PBLD: variants seen among roughly 807,000 people sequenced by gnomAD.
The protein encoded by PBLD is phenazine biosynthesis-like domain-containing protein.
PBLD carries 26 observed loss-of-function variants against 31.3 expected under a neutral mutation model. The observed-to-expected ratio is 0.83, with a 90% CI of 0.61 to 1.15. The LOEUF is 1.15. Among genes scored for constraint, PBLD ranks in the 50% most tolerant of loss-of-function variants. PBLD has a pLI of 0.00. For missense variants in PBLD, 307 were observed against 351.7 expected, an observed-to-expected ratio of 0.87 and a Z score of 1.02; for synonymous variants, 114 against 129.0, an observed-to-expected ratio of 0.88 and a Z score of 0.79.
chr10:68,324,738 C>T (rs1015028336), intron 1 of PBLD, among the ~76,000 whole-genome samples: 43 of 151,884 alleles, frequency 2.8e-4, no homozygotes, highest in African/African-American at 1.0e-3. Context: ...CCTCAGCCTC[C>T]CAAGTAGCTG....
intron 1 of PBLD, among the ~76,000 whole-genome samples, chr10:68,309,164 G>A (rs954480519): frequency 6.7e-6 from 1 of 149,868 alleles, no homozygotes; most frequent in African/African-American, 2.5e-5. Context: ...TCAGCACTTT[G>A]GGAGGCCAAG....
intron 1 of PBLD, among the ~76,000 whole-genome samples, chr10:68,309,742 G>T (rs773385843): frequency 6.8e-6 from 1 of 147,238 alleles, no homozygotes; most frequent in Non-Finnish European, 1.5e-5. Context: ...CAGAGTCAGA[G>T]GTTGTGGTGA....
intron 1 of PBLD, chr10:68,332,302 T>TG (rs1442282872): frequency 2.6e-5 from 4 of 151,038 alleles, no homozygotes; most frequent in Non-Finnish European, 5.9e-5. Context: ...GGGGCTGGGT[T>TG]GGGGGGTAGT....
intron 1 of PBLD, among the ~76,000 whole-genome samples, chr10:68,313,605 A>G (rs2044698882): frequency 6.6e-6 from 1 of 152,206 alleles, no homozygotes; most frequent in Non-Finnish European, 1.5e-5. Context: ...CTTTTCTGCT[A>G]AAATTTAGGA....
rs1554860577 is a variant in PBLD, at chr10:68,319,111, G to GAAAGAAAGAAAGAAAGAAAGAAA, written c.-59-12209_-59-12208insTTTCTTTCTTTCTTTCTTTCTTT. On this transcript the variant is annotated intron_variant, in intron 1 of 9. Coordinates refer to ENST00000358769, the MANE Select transcript of PBLD (RefSeq NM_022129.4). ...AGAAAGAAAGAAAGAAAGAAAGAAA[G>GAAAGAAAGAAAGAAAGAAAGAAA]GAAAAAGAAAGAAAGAGAGAAGGAG... Among the ~76,000 whole-genome samples, 258 of 115,604 alleles carry GAAAGAAAGAAAGAAAGAAAGAAA rather than the reference G, an allele frequency of 2.2e-3. 7 individuals are homozygous for GAAAGAAAGAAAGAAAGAAAGAAA. The highest frequency in any genetic ancestry group is 5.8e-3 in the African/African-American group (182 of 31,520). 75.8% of individuals were successfully genotyped at this position (115,604 alleles called of 152,430 possible).
In PBLD at chr10:68,330,124, T is replaced by C. The variant is rs187483933; in HGVS notation, c.-60+2660A>G. On this transcript the variant is annotated intron_variant, in intron 1 of 9. Transcript: ENST00000358769. Reference sequence around the variant, plus strand: ...TTTGGTTTTCCATCTCTTTTAATGATGATAACACTGTCCTTTCTTCCTTCC... The same window carrying C: ...TTTGGTTTTCCATCTCTTTTAATGACGATAACACTGTCCTTTCTTCCTTCC... Among the ~76,000 whole-genome samples, 205 of 152,236 alleles carry C rather than the reference T, an allele frequency of 1.3e-3. 3 individuals carry two copies. The highest frequency in any genetic ancestry group is 4.6e-3 in the African/African-American group (193 of 41,530).
rs2044260230 is a variant in PBLD at position 68,284,265 on chromosome 10, C to T, written c.779G>A (p.Gly260Glu). 6.2e-7 allele frequency: 1 copy of T among 1,614,018 alleles called. No homozygotes were observed. The highest frequency in any genetic ancestry group is 8.5e-7 in the Non-Finnish European group (1 of 1,179,918). ...MHAFQCSHRG[G>E]ELGISLRPDG... ...TGGACGAAGGGAAATTCCCAGCTCT[C>T]CTCCTCGGTGGGAACACTGAAAAGC... Residue 260 changes from glycine (G) to glutamate (E), a missense_variant, in exon 10 of 10, where the codon GGA becomes GAA. Transcript: ENST00000358769.
intron 1 of PBLD, chr10:68,332,090 GCGGTTGTCACCGCTGGAGA>G (rs1032792704): frequency 1.3e-5 from 2 of 152,366 alleles, no homozygotes; most frequent in Non-Finnish European, 2.9e-5. Context: ...AGCTCCCTAA[GCGGTTGTCACCGCTGGAGA>G]CGGTTGGGAG....
chr10:68,320,821 C>G (rs1465540446), intron 1 of PBLD, among the ~76,000 whole-genome samples: 1 of 142,786 alleles, frequency 7.0e-6, no homozygotes, highest in Non-Finnish European at 1.5e-5. Context: ...GCTCAACCCC[C>G]TTTTTTTTTT....
intron 2 of PBLD, among the ~76,000 whole-genome samples, chr10:68,304,382 G>A (rs1191967549): frequency 6.6e-6 from 1 of 152,214 alleles, no homozygotes; most frequent in African/African-American, 2.4e-5. Flanking sequence ...CTCAAAAGAA[G>A]TGAATTGGAA....
chr10:68,286,888 G>A (rs977640223), intron 8 of PBLD: 3 of 42,978 alleles, frequency 7.0e-5, no homozygotes, highest in East Asian at 5.6e-4. Flanking sequence ...AGCACTTTGG[G>A]AGGCCGAGGC....
chr10:68,296,820 G>T, intron 3 of PBLD, 66 bp downstream of exon 3: 6 of 1,368,944 alleles, frequency 4.4e-6, no homozygotes, highest in South Asian at 2.4e-5. Context: ...AGTGAGTCAA[G>T]ATCATGCCAC....
intron 1 of PBLD, among the ~76,000 whole-genome samples, chr10:68,319,577 C>G (rs2044801065): frequency 6.6e-6 from 1 of 151,748 alleles, no homozygotes; most frequent in African/African-American, 2.4e-5. Flanking sequence ...AAAAATTAGC[C>G]AGGTGTGGTG....
chr10:68,296,612 A>G lies in PBLD; in HGVS notation c.185-248T>C, dbSNP rs917024353. On this transcript the variant is annotated intron_variant, in intron 3 of 9. Coordinates refer to ENST00000358769, the MANE Select transcript of PBLD (RefSeq NM_022129.4). ...AAACCAAATCAGAATCTCCCGCTCT[A>G]TCTACTATCTGCATGCAAATAATAA... Among the ~76,000 whole-genome samples the G allele has an allele frequency of 8.5e-5, 13 of 152,228 alleles. No homozygotes were observed. The South Asian group carries it at 2.5e-3, about 29-fold the overall frequency.
intron 1 of PBLD, among the ~76,000 whole-genome samples, chr10:68,318,076 A>C (rs1235286510): frequency 6.6e-6 from 1 of 151,826 alleles, no homozygotes; most frequent in Non-Finnish European, 1.5e-5. Context: ...AAATACAAAA[A>C]ATTAGCCAGG....
At chr10:68,313,047 C>A (rs1037124618) in intron 1 of PBLD, among the ~76,000 whole-genome samples, 1 of 152,032 alleles carries the variant, frequency 6.6e-6, no homozygotes, top group East Asian at 1.9e-4. Context: ...TCCTGAGTAG[C>A]TGGACTACAA....
chr10:68,331,702 G>C (rs2045101797), intron 1 of PBLD: 1 of 152,308 alleles, frequency 6.6e-6, no homozygotes, highest in African/African-American at 2.4e-5. Context: ...CACAGAATTT[G>C]TTCACGGTGG....
In PBLD at chr10:68,292,010, C is replaced by T. The variant is rs752941043; in HGVS notation, c.423G>A (p.Lys141=). ...QDFHEVEDLI[K]TAIGNTLVQD... ...CTCAGGTTTGATTCTTTTTACCAACCTTTATCAAGTCCTCTACTTCATGGA... is the reference window on the plus strand; with the variant it reads ...CTCAGGTTTGATTCTTTTTACCAACTTTTATCAAGTCCTCTACTTCATGGA... Residue 141 remains lysine (K), a splice_region_variant and synonymous_variant, in exon 6 of 10, where the codon AAG becomes AAA. Coordinates refer to ENST00000358769, the MANE Select transcript of PBLD (RefSeq NM_022129.4). The T allele has an allele frequency of 2.6e-5, 41 of 1,584,726 alleles. No homozygotes were observed. Among genetic ancestry groups the T allele is most frequent in the Non-Finnish European group, 3.5e-5 (40 of 1,153,478 alleles).
chr10:68,324,600 C>A (rs1031575411), intron 1 of PBLD, among the ~76,000 whole-genome samples: 2 of 146,522 alleles, frequency 1.4e-5, no homozygotes, highest in Admixed American at 1.4e-4. Context: ...ATCTACCCTC[C>A]ACACTTTATT....
Sources: gnomAD v4.1 joint callset for allele counts (sites outside exome capture counted in the v4.1 genomes callset) on GRCh38, gnomAD v4.1.1 for gene constraint, MANE v1.5 for transcripts, NCBI Gene and HGNC (gene_info 2026-07-23, HGNC 2026-07-21) for gene names.